Variants in MS4A4A observed in about 807,000 individuals in gnomAD.
The protein encoded by MS4A4A is membrane-spanning 4-domains subfamily A member 4A.
Under a neutral mutation model 28.0 loss-of-function variants are expected in MS4A4A, and 26 were observed. The ratio of observed to expected loss-of-function variants is 0.93; its 90% confidence interval spans 0.68 to 1.29. The LOEUF (loss-of-function observed/expected upper bound fraction) is 1.29, where lower values mean the gene tolerates loss of function less well. MS4A4A is among the 50% of genes most tolerant of loss of function. The pLI is 0.00. For synonymous variants in MS4A4A, 86 were observed against 100.8 expected (o/e 0.85, Z 0.88); for missense variants, 290 against 293.1 (o/e 0.99, Z 0.08).
chr11:60,292,325 T>G lies in MS4A4A; in HGVS notation c.142T>G (p.Ser48Ala). Reference protein sequence around the residue: ...PQLGNMAVIHSHLWKGLQEKF... With the variant: ...PQLGNMAVIHAHLWKGLQEKF... ...GCTGGGAAACATGGCTGTCATACAT[T>G]CACATCTGTGGAAAGGATTGCAAGA... Residue 48 changes from serine (S) to alanine (A), a missense_variant, in exon 2 of 7, where the codon TCA becomes GCA. Transcript: ENST00000337908. 6.2e-7 allele frequency: 1 copy of G among 1,610,900 alleles called. No homozygotes were observed. Among genetic ancestry groups the G allele is most frequent in the Non-Finnish European group, 8.5e-7 (1 of 1,178,644 alleles).
intron 1 of MS4A4A, among the ~76,000 whole-genome samples, chr11:60,286,170 T>G (rs943416699): frequency 8.5e-5 from 13 of 152,220 alleles, no homozygotes; most frequent in Non-Finnish European, 1.5e-5. Context: ...TCAGACCTTA[T>G]GGTTATCTCC....
At position 60,308,632 on chromosome 11, in the gene MS4A4A, C is replaced by A. The variant is rs10681; in HGVS notation, c.*454C>A. 36,054 of 153,234 alleles carry A rather than the reference C, an allele frequency of 0.24. 4,496 individuals carry two copies. The highest frequency in any genetic ancestry group is 0.31 in the Middle Eastern group (93 of 296). 9.5% of individuals were successfully genotyped at this position (153,234 alleles called of 1,614,324 possible). A position where few individuals can be genotyped will look rare whatever the true frequency, so the allele number is the denominator to read the frequency against. ...TTTTTTTTCTCCTACCTATGGGGACCAAAGTGCTTTTTCCTTCAGGAAGTG... is the reference window on the plus strand; with the variant it reads ...TTTTTTTTCTCCTACCTATGGGGACAAAAGTGCTTTTTCCTTCAGGAAGTG... On this transcript the variant is annotated 3_prime_UTR_variant, in exon 7 of 7. Coordinates refer to ENST00000337908, the MANE Select transcript of MS4A4A (RefSeq NM_148975.3).
intron 2 of MS4A4A, among the ~76,000 whole-genome samples, chr11:60,294,030 G>T (rs937944911): frequency 6.6e-6 from 1 of 152,190 alleles, no homozygotes; most frequent in African/African-American, 2.4e-5. Flanking sequence ...GTAAGAAACT[G>T]CCATACTGTC....
chr11:60,307,501 T>C (rs950028909), intron 6 of MS4A4A, among the ~76,000 whole-genome samples: 2 of 152,190 alleles, frequency 1.3e-5, no homozygotes, highest in Non-Finnish European at 2.9e-5. Context: ...TGTCATAATA[T>C]TTAAGCTTGT....
At chr11:60,304,012 T>C (rs926826875) in intron 5 of MS4A4A, among the ~76,000 whole-genome samples, 4 of 152,234 alleles carry the variant, frequency 2.6e-5, no homozygotes, top group African/African-American at 7.2e-5. Flanking sequence ...TTGCTTTTTA[T>C]AGTAAGCAAT....
At chr11:60,307,520 C>T (rs769171489) in intron 6 of MS4A4A, among the ~76,000 whole-genome samples, 2 of 152,182 alleles carry the variant, frequency 1.3e-5, no homozygotes, top group Non-Finnish European at 2.9e-5. Context: ...GTGTTCCCTT[C>T]AGCTCTTAGC....
Position 60,308,882 on chromosome 11 carries a change from T to C in MS4A4A, c.*704T>C, listed in dbSNP as rs918225833. 2 of 152,256 alleles carry C rather than the reference T, an allele frequency of 1.3e-5. No individual in the cohort carries two copies. The highest frequency in any genetic ancestry group is 2.9e-5 in the Non-Finnish European group (2 of 68,048). 9.4% of individuals were successfully genotyped at this position (152,256 alleles called of 1,614,324 possible). On this transcript the variant is annotated 3_prime_UTR_variant, in exon 7 of 7. Coordinates refer to ENST00000337908, the MANE Select transcript of MS4A4A (RefSeq NM_148975.3). ...ACCTTCTACTGGGCATAATTATATC[T>C]TAATCATATATGGAAATGTGCAACA...
chr11:60,297,718 C>T (rs945639039), intron 3 of MS4A4A, among the ~76,000 whole-genome samples: 6 of 152,154 alleles, frequency 3.9e-5, no homozygotes, highest in African/African-American at 1.4e-4. Context: ...ATGGTTGACA[C>T]ATCCAACTTT....
chr11:60,301,086 A>C (rs1240810599), intron 4 of MS4A4A, 29 bp downstream of exon 4: 2 of 1,490,904 alleles, frequency 1.3e-6, no homozygotes, highest in Non-Finnish European at 1.8e-6. Context: ...TTTTGGTATC[A>C]AAAAAAGGAA....
intron 1 of MS4A4A, 51 bp from the exon 2 acceptor site, chr11:60,292,174 C>T (rs749070835): frequency 4.7e-6 from 7 of 1,485,374 alleles, no homozygotes; most frequent in Middle Eastern, 4.0e-4. Flanking sequence ...AGTGTCATGT[C>T]CTCTTTTGCC....
chr11:60,282,877 A>G (rs2084767685), intron 1 of MS4A4A: 2 of 594,848 alleles, frequency 3.4e-6, no homozygotes, highest in Non-Finnish European at 4.8e-6. Context: ...TTTGTATTTG[A>G]TCATTCTGGC....
At chr11:60,308,069 T>G (rs751638114) in intron 6 of MS4A4A, 38 bp from the exon 7 acceptor site, 1 of 1,597,178 alleles carries the variant, frequency 6.3e-7, no homozygotes, top group East Asian at 2.2e-5. Flanking sequence ...CTGAGGTGAT[T>G]TGGGTGACTC....
At chr11:60,285,724 G>A (rs2084798064) in intron 1 of MS4A4A, among the ~76,000 whole-genome samples, 1 of 152,152 alleles carries the variant, frequency 6.6e-6, no homozygotes, top group Non-Finnish European at 1.5e-5. Flanking sequence ...TAGGGAGTGG[G>A]TCACAGAGAT....
chr11:60,294,229 T>G (rs1309116537), intron 2 of MS4A4A, among the ~76,000 whole-genome samples: 3 of 152,240 alleles, frequency 2.0e-5, no homozygotes, highest in African/African-American at 7.2e-5. Flanking sequence ...CATCTTTTCA[T>G]GCGTTTCTTT....
intron 5 of MS4A4A, among the ~76,000 whole-genome samples, chr11:60,304,676 C>T (rs11230239): frequency 0.29 from 44,585 of 152,140 alleles, 7,528 homozygotes; most frequent in Admixed American, 0.35. Context: ...TGAAATACAA[C>T]GAAGCCCATT....
At chr11:60,290,167 A>C (rs1191480302) in intron 1 of MS4A4A, 1 of 409,152 alleles carries the variant, frequency 2.4e-6, no homozygotes. Context: ...ACTGACTTCG[A>C]TGATTCTCAG....
chr11:60,298,713 C>A (rs1488866201), intron 3 of MS4A4A, among the ~76,000 whole-genome samples: 6 of 152,244 alleles, frequency 3.9e-5, no homozygotes, highest in African/African-American at 7.2e-5. Flanking sequence ...CATTAAAAAC[C>A]AGCTTACATG....
chr11:60,299,448 C>CTTTTTTTTTTTTTTTTTTTTTTTTTTTT (rs5792179), intron 3 of MS4A4A, among the ~76,000 whole-genome samples: 1 of 113,236 alleles, frequency 8.8e-6, no homozygotes, highest in Non-Finnish European at 1.7e-5. Context: ...AATTACAATT[C>CTTTTTTTTTTTTTTTTTTTTTTTTTTTT]TTTTTTTTTT....
intron 1 of MS4A4A, among the ~76,000 whole-genome samples, chr11:60,280,949 A>T (rs552239271): frequency 6.6e-6 from 1 of 152,276 alleles, no homozygotes; most frequent in East Asian, 1.9e-4. Context: ...CTAAAGGCTG[A>T]CATTGGAGGC....
Sources: gnomAD v4.1 joint callset for allele counts (sites outside exome capture counted in the v4.1 genomes callset) on GRCh38, gnomAD v4.1.1 for gene constraint, MANE v1.5 for transcripts, NCBI Gene and HGNC (gene_info 2026-07-23, HGNC 2026-07-21) for gene names.